The following TXNDC11 variants were observed in gnomAD, a reference collection of about 807,000 sequenced individuals.
TXNDC11 encodes thioredoxin domain-containing protein 11.
Under a neutral mutation model 78.0 loss-of-function variants are expected in TXNDC11, and 68 were observed. The observed-to-expected ratio is 0.87, with a 90% CI of 0.72 to 1.07. The LOEUF is 1.07. Ranked by LOEUF, TXNDC11 falls within the 50% of genes least tolerant of loss-of-function variation. TXNDC11 has a pLI of 0.00. For missense variants in TXNDC11, 1,389 were observed against 1,221.8 expected (o/e 1.14, Z -2.04); for synonymous variants, 571 against 495.2 (o/e 1.15, Z -2.03).
chr16:11,723,278 GA>G (rs112887609), intron 4 of TXNDC11, among the ~76,000 whole-genome samples: 1,482 of 143,504 alleles, frequency 0.01, 27 homozygotes, highest in African/African-American at 0.035. Flanking sequence ...AGAAAAAAAA[GA>G]AAAAAAAAAA....
At chr16:11,709,280 C>T (rs2051269527) in intron 5 of TXNDC11, among the ~76,000 whole-genome samples, 1 of 114,906 alleles carries the variant, frequency 8.7e-6, no homozygotes, top group African/African-American at 3.1e-5. Context: ...GAGACAGAGT[C>T]TCGCACTGTC....
intron 1 of TXNDC11, 115 bp downstream of exon 1, chr16:11,742,362 G>C (rs2052426275): frequency 2.4e-6 from 2 of 844,722 alleles, no homozygotes; most frequent in South Asian, 6.0e-5. Flanking sequence ...AGCCGTCCTG[G>C]GCAAGGTCAG....
intron 10 of TXNDC11, among the ~76,000 whole-genome samples, chr16:11,684,474 A>C (rs2050513287): frequency 6.6e-6 from 1 of 152,192 alleles, no homozygotes; most frequent in Admixed American, 6.5e-5. Context: ...TGATGTCCTG[A>C]AAGTAAAAAT....
At chr16:11,733,256 C>CAAAAT (rs936564884) in intron 3 of TXNDC11, among the ~76,000 whole-genome samples, 14 of 150,736 alleles carry the variant, frequency 9.3e-5, no homozygotes, top group South Asian at 2.1e-4. Context: ...AACTCTGTCT[C>CAAAAT]AAAATAAAAT....
chr16:11,717,677 T>G (rs1383347677), intron 5 of TXNDC11, among the ~76,000 whole-genome samples: 2 of 151,092 alleles, frequency 1.3e-5, no homozygotes, highest in African/African-American at 4.9e-5. Flanking sequence ...AAAAATAAGC[T>G]GGGCGTGGTG....
In TXNDC11 at chr16:11,691,512, G is replaced by T; in HGVS notation, c.1678C>A (p.Pro560Thr). Residue 560 changes from proline (P) to threonine (T), a missense_variant, in exon 8 of 12, where the codon CCA becomes ACA. Coordinates refer to ENST00000283033, the MANE Select transcript of TXNDC11 (RefSeq NM_015914.7). ...PHIEENRYLF[P>T]EVDMTSTNFT... ...TTTGTGCTAGTCATGTCCACTTCTGGAAAGAGATACCTGTTCTCCTCAATG... is the reference window on the plus strand; with the variant it reads ...TTTGTGCTAGTCATGTCCACTTCTGTAAAGAGATACCTGTTCTCCTCAATG... The T allele has an allele frequency of 1.2e-6, 2 of 1,614,182 alleles. No individual in the cohort carries two copies. The highest frequency in any genetic ancestry group is 1.1e-5 in the South Asian group (1 of 91,084).
chr16:11,680,918 G>A (rs1038123190), intron 11 of TXNDC11, among the ~76,000 whole-genome samples: 1 of 152,180 alleles, frequency 6.6e-6, no homozygotes, highest in African/African-American at 2.4e-5. Context: ...TGTAATCCCA[G>A]TGCTTTGGGA....
At chr16:11,695,485 C>T (rs1309476242) in intron 7 of TXNDC11, among the ~76,000 whole-genome samples, 2 of 152,300 alleles carry the variant, frequency 1.3e-5, no homozygotes, top group Non-Finnish European at 2.9e-5. Context: ...CTAACTCTTT[C>T]GTGGTCAACA....
intron 4 of TXNDC11, 129 bp downstream of exon 4, chr16:11,730,516 G>T: frequency 1.1e-6 from 1 of 918,842 alleles, no homozygotes; most frequent in Non-Finnish European, 1.6e-6. Flanking sequence ...AACTGGGGCT[G>T]ATCTATCACA....
Position 11,709,256 on chromosome 16 carries a change from A to ATACTTTTTT in TXNDC11, c.794-8693_794-8692insAAAAAAGTA, listed in dbSNP as rs574851900. Among the ~76,000 whole-genome samples the ATACTTTTTT allele has an allele frequency of 1.1e-4, 11 of 99,462 alleles. No individual in the cohort carries two copies. The South Asian group carries it at 2.4e-3, about 22-fold the overall frequency. The allele number at this position is 99,462 out of a possible 152,430, so 65.3% of individuals were successfully genotyped here. A position where few individuals can be genotyped will look rare whatever the true frequency, so the allele number is the denominator to read the frequency against. On this transcript the variant is annotated intron_variant, in intron 5 of 11. Transcript: ENST00000283033. Reference sequence around the variant, plus strand: ...ACTAACATGTAACTTATAAGCTGTGATTCTTTTTTTTTTGAGACAGAGTCT... The same window carrying ATACTTTTTT: ...ACTAACATGTAACTTATAAGCTGTGATACTTTTTTTTCTTTTTTTTTTGAGACAGAGTCT...
chr16:11,689,220 C>A (rs1281607692), intron 8 of TXNDC11, among the ~76,000 whole-genome samples: 24 of 151,966 alleles, frequency 1.6e-4, no homozygotes, highest in Admixed American at 1.6e-3. Context: ...TCCAGAGTAG[C>A]TGGGACTACA....
At chr16:11,737,308 G>A (rs1412258172) in intron 1 of TXNDC11, among the ~76,000 whole-genome samples, 1 of 151,862 alleles carries the variant, frequency 6.6e-6, no homozygotes, top group Non-Finnish European at 1.5e-5. Flanking sequence ...AGCTGGGCGT[G>A]GTGATGGGCG....
At chr16:11,685,783 C>T (rs958087252) in intron 10 of TXNDC11, among the ~76,000 whole-genome samples, 1 of 152,198 alleles carries the variant, frequency 6.6e-6, no homozygotes, top group Non-Finnish European at 1.5e-5. Context: ...ATTAGTGTTC[C>T]TTTCTAAACA....
intron 1 of TXNDC11, among the ~76,000 whole-genome samples, chr16:11,737,769 G>C (rs1451086427): frequency 6.6e-6 from 1 of 151,086 alleles, no homozygotes; most frequent in African/African-American, 2.4e-5. Flanking sequence ...GGGAGGCTGA[G>C]GCAGGAGAAT....
intron 5 of TXNDC11, among the ~76,000 whole-genome samples, chr16:11,715,112 C>A (rs1002305642): frequency 6.6e-6 from 1 of 152,008 alleles, no homozygotes; most frequent in Non-Finnish European, 1.5e-5. Context: ...ATCAGCCAGG[C>A]CTAGTGGCGT....
intron 7 of TXNDC11, among the ~76,000 whole-genome samples, chr16:11,695,555 C>G (rs1267192824): frequency 2.0e-5 from 3 of 152,204 alleles, no homozygotes; most frequent in Admixed American, 6.5e-5. Context: ...CCACCTTACC[C>G]AAAGGCTTCT....
intron 5 of TXNDC11, among the ~76,000 whole-genome samples, chr16:11,705,051 TG>T (rs1245548184): frequency 2.0e-5 from 3 of 151,952 alleles, no homozygotes; most frequent in African/African-American, 7.3e-5. Context: ...TGCACCCCCA[TG>T]TCCAGCTAAT....
intron 4 of TXNDC11, among the ~76,000 whole-genome samples, chr16:11,723,995 A>C (rs1208139901): frequency 6.6e-6 from 1 of 152,208 alleles, no homozygotes; most frequent in Admixed American, 6.5e-5. Context: ...AGTCAAATGA[A>C]TCTGTCAAGT....
intron 6 of TXNDC11, 115 bp from the exon 7 acceptor site, chr16:11,698,440 G>T: frequency 2.4e-6 from 2 of 847,798 alleles, no homozygotes; most frequent in East Asian, 5.1e-5. Flanking sequence ...CAGGCGTGGA[G>T]CGGGGCCTGG....
Sources: gnomAD v4.1 joint callset for allele counts (sites outside exome capture counted in the v4.1 genomes callset) on GRCh38, gnomAD v4.1.1 for gene constraint, MANE v1.5 for transcripts, NCBI Gene and HGNC (gene_info 2026-07-23, HGNC 2026-07-21) for gene names.